FILIP1: variants seen among roughly 807,000 people sequenced by gnomAD.
The protein encoded by FILIP1 is filamin A interacting protein 1.
In FILIP1, 61 loss-of-function variants were observed where a neutral mutation model predicts 102.1. The observed-to-expected ratio is 0.60, with a 90% CI of 0.49 to 0.74. FILIP1 has a LOEUF of 0.74. Ranked by LOEUF, FILIP1 falls within the 30% of genes least tolerant of loss-of-function variation. The probability of loss-of-function intolerance (pLI) is 0.00; values close to 1 mark genes in which losing one functional copy is unlikely to be tolerated. For missense variants in FILIP1, 1,314 were observed against 1,441.2 expected, an observed-to-expected ratio of 0.91 and a Z score of 1.43; for synonymous variants, 491 against 526.9, an observed-to-expected ratio of 0.93 and a Z score of 0.93.
intron 4 of FILIP1, among the ~76,000 whole-genome samples, chr6:75,332,400 T>C (rs1310497936): frequency 6.6e-6 from 1 of 152,202 alleles, no homozygotes; most frequent in East Asian, 1.9e-4. Context: ...ATTTACCTAA[T>C]AATTTTCACT....
intron 1 of FILIP1, among the ~76,000 whole-genome samples, chr6:75,442,357 C>A (rs58677763): frequency 0.023 from 3,552 of 152,222 alleles, 156 homozygotes; most frequent in African/African-American, 0.079. Flanking sequence ...GGGGTGGCGG[C>A]CTGGCAGAGG....
At chr6:75,362,977 A>C in intron 2 of FILIP1, 60 bp from the exon 3 acceptor site, 15 of 1,530,994 alleles carry the variant, frequency 9.8e-6, no homozygotes, top group South Asian at 2.3e-5. Context: ...TACTGGGCTC[A>C]AAAAATCAAC....
chr6:75,415,533 G>GGAA (rs1777236022), intron 1 of FILIP1, among the ~76,000 whole-genome samples: 1 of 78,762 alleles, frequency 1.3e-5, no homozygotes. Flanking sequence ...TCACAGTGTG[G>GGAA]AAAAAAAAAA....
intron 4 of FILIP1, among the ~76,000 whole-genome samples, chr6:75,340,860 AATTT>A (rs919090330): frequency 1.0e-4 from 11 of 108,582 alleles, no homozygotes; most frequent in African/African-American, 4.2e-4. Flanking sequence ...AATGCTCAGG[AATTT>A]TTTTTTTTTT....
intron 2 of FILIP1, among the ~76,000 whole-genome samples, chr6:75,384,164 A>T (rs1177030086): frequency 3.3e-5 from 5 of 152,172 alleles, no homozygotes; most frequent in Non-Finnish European, 5.9e-5. Flanking sequence ...CTATAACCTA[A>T]AATTTAGATC....
intron 4 of FILIP1, among the ~76,000 whole-genome samples, chr6:75,318,228 CTTTTTTTTTTTT>C (rs35536817): frequency 3.9e-5 from 4 of 102,894 alleles, no homozygotes; most frequent in African/African-American, 1.5e-4. Context: ...ATTATACAGT[CTTTTTTTTTTTT>C]TTTTTTTTTT....
rs912931965 is a variant in FILIP1, at chr6:75,440,982, A to T, written c.-6-26004T>A. Among the ~76,000 whole-genome samples, 395 of 150,514 alleles carry T rather than the reference A, an allele frequency of 2.6e-3. 3 individuals carry two copies. Among genetic ancestry groups the T allele is most frequent in the Non-Finnish European group, 3.8e-3 (258 of 67,674 alleles). On this transcript the variant is annotated intron_variant, in intron 1 of 5. Transcript: ENST00000237172. ...AAAAAAGGTATGACCGAAGAGTAAA[A>T]CTTCCTTTTTTTTTTTTTTATTGAT...
chr6:75,335,508 C>T (rs62414167), intron 4 of FILIP1, among the ~76,000 whole-genome samples: 6 of 103,984 alleles, frequency 5.8e-5, no homozygotes, highest in African/African-American at 1.1e-4. Flanking sequence ...CTTCCTTCCT[C>T]CCTCCCTCCT....
At chr6:75,323,911 C>A (rs914884425) in intron 4 of FILIP1, among the ~76,000 whole-genome samples, 1 of 152,200 alleles carries the variant, frequency 6.6e-6, no homozygotes, top group Non-Finnish European at 1.5e-5. Flanking sequence ...TTCCTCTGCA[C>A]TCTCTTTCCT....
chr6:75,403,305 G>A (rs1174756089), intron 2 of FILIP1, among the ~76,000 whole-genome samples: 1 of 152,004 alleles, frequency 6.6e-6, no homozygotes, highest in Non-Finnish European at 1.5e-5. Flanking sequence ...TTTGAACTCA[G>A]GAGTTCAAGA....
intron 2 of FILIP1, among the ~76,000 whole-genome samples, chr6:75,410,381 C>T (rs1358665888): frequency 6.6e-6 from 1 of 151,618 alleles, no homozygotes; most frequent in Admixed American, 6.6e-5. Context: ...ACATAACTTC[C>T]ACATTTTTTT....
At chr6:75,397,126 T>G (rs1262363751) in intron 2 of FILIP1, among the ~76,000 whole-genome samples, 1 of 151,942 alleles carries the variant, frequency 6.6e-6, no homozygotes, top group Non-Finnish European at 1.5e-5. Context: ...GTAACTAACC[T>G]GCACGTTGTG....
At chr6:75,453,984 T>C (rs1234517784) in intron 1 of FILIP1, 2 of 456,572 alleles carry the variant, frequency 4.4e-6, no homozygotes, top group African/African-American at 4.0e-5. Flanking sequence ...CAAATTACCA[T>C]AAATTTCAAG....
At chr6:75,472,221 A>G (rs1779352568) in intron 1 of FILIP1, among the ~76,000 whole-genome samples, 3 of 152,084 alleles carry the variant, frequency 2.0e-5, no homozygotes, top group Admixed American at 2.0e-4. Flanking sequence ...TTAAAAAATG[A>G]AAGGTAATCT....
intron 1 of FILIP1, among the ~76,000 whole-genome samples, chr6:75,450,511 T>C (rs1778591743): frequency 2.0e-5 from 3 of 151,844 alleles, no homozygotes; most frequent in Admixed American, 2.0e-4. Flanking sequence ...TAGCTGGATG[T>C]GGTGGCATGT....
At chr6:75,426,716 CAAGA>C (rs1297659258) in intron 1 of FILIP1, among the ~76,000 whole-genome samples, 1 of 151,348 alleles carries the variant, frequency 6.6e-6, no homozygotes, top group African/African-American at 2.4e-5. Flanking sequence ...GGGCATTTTA[CAAGA>C]AAGAACCATG....
At chr6:75,431,643 G>T (rs972931498) in intron 1 of FILIP1, among the ~76,000 whole-genome samples, 1 of 152,162 alleles carries the variant, frequency 6.6e-6, no homozygotes, top group African/African-American at 2.4e-5. Context: ...TGACAAACCA[G>T]AGTGAGGGTG....
intron 2 of FILIP1, chr6:75,385,732 T>C (rs1353414354): frequency 2.0e-5 from 3 of 152,292 alleles, no homozygotes; most frequent in African/African-American, 7.2e-5. Flanking sequence ...AAACTTAATT[T>C]TGTTATAAGC....
rs931076119 is a variant in FILIP1 at position 75,314,762 on chromosome 6, T to C, written c.1070A>G (p.Glu357Gly). ...ETNKNLQKAE[E>G]ELQELRDKIA... ...TTTATCTCTTAATTCTTGAAGTTCT[T>C]CCTCTGCCTTCTGCAGATTTTTGTT... is the stretch of plus-strand genomic sequence containing the variant. The change falls in exon 5 of 6, where the codon GAA becomes GGA. Residue 357 changes from glutamate to glycine, a missense_variant. Coordinates refer to ENST00000237172, the MANE Select transcript of FILIP1 (RefSeq NM_015687.5). 9 of 1,614,198 alleles carry C rather than the reference T, an allele frequency of 5.6e-6. No homozygotes were observed. Among genetic ancestry groups the C allele is most frequent in the Non-Finnish European group, 7.6e-6 (9 of 1,180,026 alleles).
Sources: gnomAD v4.1 joint callset for allele counts (sites outside exome capture counted in the v4.1 genomes callset) on GRCh38, gnomAD v4.1.1 for gene constraint, MANE v1.5 for transcripts, NCBI Gene and HGNC (gene_info 2026-07-23, HGNC 2026-07-21) for gene names.